Variants in RNF111 observed in about 807,000 individuals in gnomAD.
The protein encoded by RNF111 is E3 ubiquitin-protein ligase Arkadia.
Under a neutral mutation model 95.1 loss-of-function variants are expected in RNF111, and 17 were observed. The observed-to-expected ratio is 0.18, with a 90% CI of 0.12 to 0.27. The LOEUF is 0.27. Among genes scored for constraint, RNF111 ranks in the 10% least tolerant of loss-of-function variants. The probability of loss-of-function intolerance (pLI) is 1.00; values close to 1 mark genes in which losing one functional copy is unlikely to be tolerated. For synonymous variants in RNF111, 440 were observed against 414.8 expected (o/e 1.06, Z -0.74); for missense variants, 1,189 against 1,210.4 (o/e 0.98, Z 0.26).
At chr15:59,020,340 G>A (rs748863536) in intron 1 of RNF111, among the ~76,000 whole-genome samples, 2 of 151,590 alleles carry the variant, frequency 1.3e-5, no homozygotes, top group Non-Finnish European at 2.9e-5. Context: ...GTCTTATTTA[G>A]TATACATTTC....
rs1284647377 is a variant in RNF111 at position 59,052,416 on chromosome 15, T to A, written c.992T>A (p.Val331Asp). 1 of 1,578,472 alleles carries A rather than the reference T, an allele frequency of 6.3e-7. No homozygotes were observed. The highest frequency in any genetic ancestry group is 1.4e-5 in the African/African-American group (1 of 73,732). ...GACAGTGAAGTGGAGATTGTAACAGTTGGAGAAAGCTATCGGTGAGATTTT... is the reference window on the plus strand; with the variant it reads ...GACAGTGAAGTGGAGATTGTAACAGATGGAGAAAGCTATCGGTGAGATTTT... ...STDSEVEIVT[V>D]GESYRSRSTL... The change falls in exon 3 of 14, where the codon GTT (valine) becomes GAT (aspartate). Residue 331 changes from valine (V) to aspartate (D), a missense_variant. Coordinates refer to ENST00000348370, the MANE Select transcript of RNF111 (RefSeq NM_017610.8).
At chr15:59,011,314 T>G (rs1410872544) in intron 1 of RNF111, among the ~76,000 whole-genome samples, 1 of 152,226 alleles carries the variant, frequency 6.6e-6, no homozygotes. Context: ...GCATTTTGAT[T>G]ACCTAGTGAT....
At chr15:59,084,405 G>C (rs1246244807) in intron 9 of RNF111, 151 bp downstream of exon 9, 1 of 671,428 alleles carries the variant, frequency 1.5e-6, no homozygotes, top group African/African-American at 1.9e-5. Flanking sequence ...GGCAGATAGA[G>C]GTTTGGAGAG....
At chr15:59,069,471 G>C (rs2042814334) in intron 6 of RNF111, among the ~76,000 whole-genome samples, 1 of 152,186 alleles carries the variant, frequency 6.6e-6, no homozygotes, top group South Asian at 2.1e-4. Context: ...GCTAGTTTGA[G>C]ACATCAATTA....
chr15:58,997,141 A>G (rs2039111629), intron 1 of RNF111, among the ~76,000 whole-genome samples: 1 of 152,222 alleles, frequency 6.6e-6, no homozygotes. Flanking sequence ...TTTATAAGGT[A>G]CAAAGAATGT....
chr15:59,052,526 AT>A, intron 3 of RNF111, 95 bp downstream of exon 3: 4 of 803,976 alleles, frequency 5.0e-6, no homozygotes, highest in East Asian at 3.9e-5. Context: ...TTATTTATTT[AT>A]TTTTGAGACC....
intron 2 of RNF111, among the ~76,000 whole-genome samples, chr15:59,046,746 C>T (rs1374156): frequency 0.44 from 67,247 of 151,944 alleles, 16,217 homozygotes; most frequent in African/African-American, 0.64. Flanking sequence ...TAGAGACTTT[C>T]GTGCTTCAAA....
At chr15:59,036,955 C>T (rs1197405966) in intron 2 of RNF111, among the ~76,000 whole-genome samples, 2 of 151,852 alleles carry the variant, frequency 1.3e-5, no homozygotes, top group African/African-American at 4.8e-5. Context: ...CTCAGCCTCC[C>T]TAGTAGCTGG....
intron 1 of RNF111, among the ~76,000 whole-genome samples, chr15:59,011,972 T>G (rs1249287412): frequency 1.3e-5 from 2 of 150,956 alleles, no homozygotes; most frequent in Non-Finnish European, 2.9e-5. Flanking sequence ...AATAAGTGGC[T>G]TAATTTTAGT....
chr15:59,022,089 A>G (rs1248855150), intron 1 of RNF111, among the ~76,000 whole-genome samples: 1 of 152,060 alleles, frequency 6.6e-6, no homozygotes, highest in Non-Finnish European at 1.5e-5. Flanking sequence ...CGAACTCCTG[A>G]CCTAAAGTGA....
chr15:58,997,516 TA>T (rs11337128), intron 1 of RNF111, among the ~76,000 whole-genome samples: 31,079 of 141,996 alleles, frequency 0.22, 3,271 homozygotes, highest in East Asian at 0.42. Flanking sequence ...CATTTGCAGT[TA>T]AAAAAAAAAA....
chr15:59,003,521 C>T (rs556577206), intron 1 of RNF111, among the ~76,000 whole-genome samples: 3 of 152,310 alleles, frequency 2.0e-5, no homozygotes, highest in African/African-American at 7.2e-5. Flanking sequence ...ACCTCAGCCT[C>T]TCCAGTAGCT....
intron 2 of RNF111, among the ~76,000 whole-genome samples, chr15:59,031,999 C>T (rs932051523): frequency 1.4e-4 from 22 of 151,824 alleles, no homozygotes; most frequent in African/African-American, 4.1e-4. Flanking sequence ...AGTGCAGTGG[C>T]GCAATCTCGG....
At chr15:59,022,450 C>T (rs1307075053) in intron 1 of RNF111, among the ~76,000 whole-genome samples, 9 of 152,194 alleles carry the variant, frequency 5.9e-5, no homozygotes, top group Non-Finnish European at 1.5e-5. Flanking sequence ...ATAACTTTGA[C>T]TTCCAGATTC....
At chr15:58,990,289 C>T (rs1462832657) in intron 1 of RNF111, among the ~76,000 whole-genome samples, 4 of 152,040 alleles carry the variant, frequency 2.6e-5, no homozygotes, top group South Asian at 2.1e-4. Flanking sequence ...TTGTGTTTGT[C>T]GTAATTGAAT....
At position 59,096,364 on chromosome 15, in the gene RNF111, A is replaced by G. The variant is rs574126871; in HGVS notation, c.*1464A>G. 3 of 308,206 alleles carry G rather than the reference A, an allele frequency of 9.7e-6. No homozygotes were observed. The highest frequency in any genetic ancestry group is 2.1e-5 in the African/African-American group (1 of 46,826). The allele number at this position is 308,206 out of a possible 1,614,324, so 19.1% of individuals were successfully genotyped here. A position where few individuals can be genotyped will look rare whatever the true frequency, so the allele number is the denominator to read the frequency against. On this transcript the variant is annotated 3_prime_UTR_variant, in exon 14 of 14. Coordinates refer to ENST00000348370, the MANE Select transcript of RNF111 (RefSeq NM_017610.8). ...CCATGGATCATATGTGAAGATGTCA[A>G]TAAGCTTGCATTAAGCCACCTGCTT...
intron 6 of RNF111, among the ~76,000 whole-genome samples, chr15:59,072,544 C>A (rs1373056567): frequency 6.7e-6 from 1 of 150,208 alleles, no homozygotes; most frequent in Non-Finnish European, 1.5e-5. Context: ...AGCTCCACCT[C>A]CCAGGTTCAT....
At chr15:59,070,552 C>T (rs1387005758) in intron 6 of RNF111, among the ~76,000 whole-genome samples, 4 of 152,146 alleles carry the variant, frequency 2.6e-5, no homozygotes, top group Non-Finnish European at 5.9e-5. Context: ...ACCGTATTTA[C>T]CTGCATTGAA....
rs558210517 is a variant in RNF111, at chr15:59,012,400, A to G, written c.-19-18404A>G. ...TTAGCCTTTAGTGCTTTGAAGTACTACTTATCTGTTCTCATTTAATAGTAG... is the reference window on the plus strand; with the variant it reads ...TTAGCCTTTAGTGCTTTGAAGTACTGCTTATCTGTTCTCATTTAATAGTAG... On this transcript the variant is annotated intron_variant, in intron 1 of 13. Transcript: ENST00000348370. 2.6e-5 allele frequency among the ~76,000 whole-genome samples: 4 copies of G among 152,236 alleles called. No homozygotes were observed. In the East Asian group the frequency reaches 5.8e-4, roughly 22 times the overall value.
Sources: allele counts gnomAD v4.1 joint callset (sites outside exome capture counted in the v4.1 genomes callset), GRCh38; gene constraint gnomAD v4.1.1; transcripts MANE v1.5; gene names NCBI Gene and HGNC (gene_info 2026-07-23, HGNC 2026-07-21).